The following PTPRN2 variants were observed in gnomAD, a reference collection of about 807,000 sequenced individuals.
The protein encoded by PTPRN2 is protein tyrosine phosphatase receptor type N2.
In PTPRN2, 74 loss-of-function variants were observed where a neutral mutation model predicts 118.8. The ratio of observed to expected loss-of-function variants is 0.62; its 90% CI spans 0.52 to 0.76. The LOEUF (loss-of-function observed/expected upper bound fraction) is 0.76, where lower values mean the gene tolerates loss of function less well. PTPRN2 is among the 30% of genes least tolerant of loss of function. The pLI is 0.00. For missense variants in PTPRN2, 1,481 were observed against 1,394.4 expected (o/e 1.06, Z -0.99); for synonymous variants, 641 against 608.0 (o/e 1.05, Z -0.80).
chr7:158,351,523 A>G (rs1219447961), intron 2 of PTPRN2, among the ~76,000 whole-genome samples: 1 of 152,188 alleles, frequency 6.6e-6, no homozygotes, highest in Non-Finnish European at 1.5e-5. Context: ...CCTTTTAAAG[A>G]ATGCTAAAAC....
At chr7:158,353,155 G>A (rs1404104794) in intron 2 of PTPRN2, among the ~76,000 whole-genome samples, 1 of 152,220 alleles carries the variant, frequency 6.6e-6, no homozygotes, top group Non-Finnish European at 1.5e-5. Flanking sequence ...GCTGCCCACT[G>A]GGAGCACCCC....
chr7:157,595,860 C>T (rs975572082), intron 16 of PTPRN2, among the ~76,000 whole-genome samples: 10 of 152,212 alleles, frequency 6.6e-5, no homozygotes, highest in Non-Finnish European at 1.3e-4. Context: ...AAATGCTTTC[C>T]TTATACCTGA....
intron 2 of PTPRN2, among the ~76,000 whole-genome samples, chr7:158,469,322 T>A (rs1819671144): frequency 6.6e-6 from 1 of 152,026 alleles, no homozygotes; most frequent in Non-Finnish European, 1.5e-5. Context: ...GCACTTGTAA[T>A]CCCAGCTACT....
At chr7:158,283,641 G>A (rs370966950) in intron 3 of PTPRN2, among the ~76,000 whole-genome samples, 14 of 152,076 alleles carry the variant, frequency 9.2e-5, no homozygotes, top group East Asian at 1.9e-4. Flanking sequence ...AATCATCAAC[G>A]GTGTTGGCCG....
chr7:157,857,283 C>T (rs1329736788), intron 12 of PTPRN2: 2 of 152,288 alleles, frequency 1.3e-5, no homozygotes, highest in Non-Finnish European at 2.9e-5. Context: ...TCCTGTTTTC[C>T]CTCAAGCCTA....
At chr7:158,150,367 C>T in intron 6 of PTPRN2, among the ~76,000 whole-genome samples, 1 of 152,218 alleles carries the variant, frequency 6.6e-6, no homozygotes, top group Middle Eastern at 3.2e-3. Context: ...CAAGGGTGTA[C>T]CCCAGTCTCC....
intron 2 of PTPRN2, among the ~76,000 whole-genome samples, chr7:158,352,319 C>A (rs1402038482): frequency 1.0e-5 from 1 of 97,656 alleles, no homozygotes; most frequent in African/African-American, 3.9e-5. Context: ...CCCCTCCCTG[C>A]CAGCTACCCT....
chr7:157,803,201 G>A (rs1385874915), intron 12 of PTPRN2, among the ~76,000 whole-genome samples: 1 of 152,178 alleles, frequency 6.6e-6, no homozygotes, highest in Non-Finnish European at 1.5e-5. Context: ...CTGACCTTAA[G>A]TGATCCACCC....
intron 3 of PTPRN2, among the ~76,000 whole-genome samples, chr7:158,259,247 AAAGGGCCACAGGCACAGGCCACAGAG>A (rs1288839783): frequency 6.6e-6 from 1 of 152,210 alleles, no homozygotes; most frequent in African/African-American, 2.4e-5. Flanking sequence ...ACACAATGCT[AAAGGGCCACAGGCACAGGCCACAGAG>A]AAGGGCCATG....
At chr7:158,519,972 A>G (rs945584376) in intron 1 of PTPRN2, among the ~76,000 whole-genome samples, 1 of 152,208 alleles carries the variant, frequency 6.6e-6, no homozygotes, top group African/African-American at 2.4e-5. Context: ...ACTCTGCCAA[A>G]CACACAAGTT....
chr7:157,886,131 G>C (rs1441481018), intron 12 of PTPRN2, among the ~76,000 whole-genome samples: 1 of 152,194 alleles, frequency 6.6e-6, no homozygotes, highest in Non-Finnish European at 1.5e-5. Context: ...CATCCCTAGA[G>C]TTCAGTTGTT....
At chr7:158,151,514 T>TGCCTCTCCCTGCCGACAC (rs1563522262) in intron 6 of PTPRN2, among the ~76,000 whole-genome samples, 2 of 146,076 alleles carry the variant, frequency 1.4e-5, no homozygotes, top group Non-Finnish European at 1.5e-5. Flanking sequence ...TTTCTGCTCC[T>TGCCTCTCCCTGCCGACAC]CACCGCACGT....
At position 158,507,835 on chromosome 7, in the gene PTPRN2, G is replaced by A. The variant is rs542582801; in HGVS notation, c.113-18050C>T. Among the ~76,000 whole-genome samples, 101 of 150,696 alleles carry A rather than the reference G, an allele frequency of 6.7e-4. 4 individuals carry two copies. Among genetic ancestry groups the A allele is most frequent in the Middle Eastern group, 3.5e-3 (1 of 286 alleles). ...GCAGTGGACAGGAGACCGCATGCAC[G>A]GAGGTCAGTGAGGACTGCCCAGGGG... On this transcript the variant is annotated intron_variant, in intron 1 of 22. Coordinates refer to ENST00000389418, the MANE Select transcript of PTPRN2 (RefSeq NM_002847.5).
At chr7:157,936,863 AT>A (rs1215860476) in intron 11 of PTPRN2, among the ~76,000 whole-genome samples, 2 of 152,212 alleles carry the variant, frequency 1.3e-5, no homozygotes, top group Admixed American at 1.3e-4. Context: ...CCTTTCGGTC[AT>A]TCATGCCATT....
chr7:158,207,953 T>C (rs986816154), intron 3 of PTPRN2, among the ~76,000 whole-genome samples: 2 of 152,136 alleles, frequency 1.3e-5, no homozygotes, highest in Admixed American at 1.3e-4. Context: ...TTAGAATAAT[T>C]AAAAACAATC....
At chr7:157,558,679 C>T (rs1428041878) in intron 21 of PTPRN2, among the ~76,000 whole-genome samples, 1 of 152,248 alleles carries the variant, frequency 6.6e-6, no homozygotes, top group African/African-American at 2.4e-5. Flanking sequence ...AGCTCCCCTC[C>T]CAGGCCGCAC....
Position 158,524,155 on chromosome 7 carries a change from G to C in PTPRN2, c.113-34370C>G, listed in dbSNP as rs550896595. On this transcript the variant is annotated intron_variant, in intron 1 of 22. Coordinates refer to ENST00000389418, the MANE Select transcript of PTPRN2 (RefSeq NM_002847.5). Reference sequence around the variant, plus strand: ...GTGGAGTCATCTGCCCTGGAGTGGAGTCTGCCCTGGAGTGGAGTCGTCTAC... The same window carrying C: ...GTGGAGTCATCTGCCCTGGAGTGGACTCTGCCCTGGAGTGGAGTCGTCTAC... 2.1e-4 allele frequency among the ~76,000 whole-genome samples: 14 copies of C among 67,542 alleles called. 1 individual carries two copies. The highest frequency in any genetic ancestry group is 2.8e-4 in the Admixed American group (2 of 7,154). The allele number at this position is 67,542 out of a possible 152,430, so 44.3% of individuals were successfully genotyped here.
chr7:157,977,938 G>A lies in PTPRN2; in HGVS notation c.1724-79201C>T, dbSNP rs779170034. Among the ~76,000 whole-genome samples, 7 of 151,822 alleles carry A rather than the reference G, an allele frequency of 4.6e-5. No individual in the cohort carries two copies. Among genetic ancestry groups the A allele is most frequent in the African/African-American group, 1.7e-4 (7 of 41,358 alleles). The stretch of plus-strand genomic sequence containing the variant: ...TGTCTGTGGGCCGGCAGGACTCACC[G>A]CCGCAGGCAGCAGGCTCAGGCACCT... On this transcript the variant is annotated intron_variant, in intron 11 of 22. Coordinates refer to ENST00000389418, the MANE Select transcript of PTPRN2 (RefSeq NM_002847.5). The surrounding 1 kb of genome is among the most constrained non-coding windows in gnomAD (Gnocchi z 4.6).
chr7:157,678,346 T>G (rs1406053344), intron 13 of PTPRN2, among the ~76,000 whole-genome samples: 1 of 152,226 alleles, frequency 6.6e-6, no homozygotes, highest in East Asian at 1.9e-4. Context: ...GTCACTGTTT[T>G]CCAATTTAAT....
Sources: gnomAD v4.1 joint callset for allele counts (sites outside exome capture counted in the v4.1 genomes callset) on GRCh38, gnomAD v4.1.1 for gene constraint, Gnocchi (gnomAD v3.1) non-coding constraint, MANE v1.5 for transcripts, NCBI Gene and HGNC (gene_info 2026-07-23, HGNC 2026-07-21) for gene names.